Variants in ZNF418 observed in about 807,000 individuals in gnomAD.
The protein encoded by ZNF418 is zinc finger protein 418.
In ZNF418, 32 loss-of-function variants were observed where a neutral mutation model predicts 32.0. The observed-to-expected ratio is 1.00, with a 90% CI of 0.75 to 1.34. The LOEUF is 1.34. Ranked by LOEUF, ZNF418 falls within the 40% of genes most tolerant of loss-of-function variation. ZNF418 has a pLI of 0.00. For missense variants in ZNF418, 804 were observed against 812.5 expected, an observed-to-expected ratio of 0.99 and a Z score of 0.13; for synonymous variants, 276 against 270.7, an observed-to-expected ratio of 1.02 and a Z score of -0.19.
Position 57,926,808 on chromosome 19 carries a change from T to C in ZNF418, c.1373A>G (p.Glu458Gly), listed in dbSNP as rs368522608. The change falls in exon 4 of 6, where the codon GAG becomes GGG. Residue 458 changes from glutamate (E) to glycine (G), a missense_variant. Transcript: ENST00000396147. The part of the protein sequence containing the change: ...HTGERPYECR[E>G]CRKLFRGKSH... ...CTTGCCCCTAAATAATTTCCTACAC[T>C]CTCTACACTCATAAGGCCTTTCTCC... 1 of 1,614,034 alleles carries C rather than the reference T, an allele frequency of 6.2e-7. No homozygotes were observed. Among genetic ancestry groups the C allele is most frequent in the Non-Finnish European group, 8.5e-7 (1 of 1,180,032 alleles).
At chr19:57,933,663 A>G (rs1224856330) in intron 2 of ZNF418, among the ~76,000 whole-genome samples, 154 bp downstream of exon 2, 1 of 152,038 alleles carries the variant, frequency 6.6e-6, no homozygotes, top group African/African-American at 2.4e-5. Context: ...AGAGCTTGCA[A>G]TGAGCCAAGA....
chr19:57,928,934 C>A (rs901786234), intron 3 of ZNF418, among the ~76,000 whole-genome samples: 1 of 152,082 alleles, frequency 6.6e-6, no homozygotes. Context: ...GTGGAGCTTG[C>A]AGTGAGCTGA....
chr19:57,932,497 G>A (rs1346489101), intron 2 of ZNF418: 1 of 1,535,250 alleles, frequency 6.5e-7, no homozygotes, highest in Non-Finnish European at 8.7e-7. Flanking sequence ...TTCTTGCATG[G>A]CTCCACATCC....
At position 57,926,885 on chromosome 19, in the gene ZNF418, C is replaced by G; in HGVS notation, c.1296G>C (p.Gly432=). ...GGTTGCCCTTTCGACTAAAAGATTT[C>G]CCACATTCTCCACACTCGTAAGGTC... The part of the protein sequence containing the change: ...GERPYECGEC[G]KSFSRKGNLI... The change falls in exon 4 of 6, where the codon GGG becomes GGC. Residue 432 remains glycine, a synonymous_variant. Transcript: ENST00000396147. The G allele has an allele frequency of 1.2e-6, 2 of 1,614,066 alleles. No individual in the cohort carries two copies. Among genetic ancestry groups the G allele is most frequent in the Non-Finnish European group, 8.5e-7 (1 of 1,179,986 alleles).
chr19:57,935,377 C>T lies in ZNF418; in HGVS notation c.-297G>A, dbSNP rs1358704924. 3 of 278,296 alleles carry T rather than the reference C, an allele frequency of 1.1e-5. No individual in the cohort carries two copies. Among genetic ancestry groups the T allele is most frequent in the East Asian group, 1.4e-4 (1 of 7,308 alleles). 17.2% of individuals were successfully genotyped at this position (278,296 alleles called of 1,614,324 possible). A position where few individuals can be genotyped will look rare whatever the true frequency, so the allele number is the denominator to read the frequency against. On this transcript the variant is annotated 5_prime_UTR_variant, in exon 1 of 6. Coordinates refer to ENST00000396147, the MANE Select transcript of ZNF418 (RefSeq NM_133460.3). The stretch of plus-strand genomic sequence containing the variant: ...CACACCCAACATTAACCAAAATGGT[C>T]GCTACCAGAGAACGCTGAGAATCCC...
intron 5 of ZNF418, 93 bp from the exon 6 acceptor site, chr19:57,922,722 A>G (rs1280205101): frequency 5.0e-6 from 2 of 396,152 alleles, no homozygotes; most frequent in East Asian, 7.1e-5. Flanking sequence ...AAAGCATGCC[A>G]GGCACAGTGG....
Position 57,927,004 on chromosome 19 carries a change from T to C in ZNF418, c.1177A>G (p.Thr393Ala). 2 of 1,614,214 alleles carry C rather than the reference T, an allele frequency of 1.2e-6. No individual in the cohort carries two copies. Among genetic ancestry groups the C allele is most frequent in the Non-Finnish European group, 1.7e-6 (2 of 1,180,046 alleles). ...GTLTEHHRVHTRERPYECGEC... is the reference protein window; with the variant it reads ...GTLTEHHRVHARERPYECGEC... ...CCACACTCATAAGGTCGTTCTCTAGTGTGAACTCGATGATGTTCAGTTAGG... is the reference window on the plus strand; with the variant it reads ...CCACACTCATAAGGTCGTTCTCTAGCGTGAACTCGATGATGTTCAGTTAGG... The change falls in exon 4 of 6, where the codon ACT becomes GCT. Residue 393 changes from threonine (T) to alanine (A), a missense_variant. Thr to Ala is a moderately conservative substitution (Grantham distance 58). Around this residue, in one of 3 missense-constraint regions of ZNF418, gnomAD observed 475 missense variants for 458.6 expected, o/e 1.04. Coordinates refer to ENST00000396147, the MANE Select transcript of ZNF418 (RefSeq NM_133460.3).
In ZNF418 at chr19:57,926,014, T is replaced by C. The variant is rs2072201253; in HGVS notation, c.*136A>G. ...GAGGCCCTTCTGCAGTGGGAGCTCT[T>C]CTGTATGTAATAAAACAAGACTTCT... On this transcript the variant is annotated 3_prime_UTR_variant, in exon 4 of 6. Coordinates refer to ENST00000396147, the MANE Select transcript of ZNF418 (RefSeq NM_133460.3). 1 of 731,016 alleles carries C rather than the reference T, an allele frequency of 1.4e-6. No individual in the cohort carries two copies. The highest frequency in any genetic ancestry group is 1.8e-5 in the African/African-American group (1 of 56,328). 45.3% of individuals were successfully genotyped at this position (731,016 alleles called of 1,614,324 possible). A position where few individuals can be genotyped will look rare whatever the true frequency, so the allele number is the denominator to read the frequency against.
At chr19:57,934,928 C>A in intron 1 of ZNF418, 4 of 1,104,852 alleles carry the variant, frequency 3.6e-6, no homozygotes, top group South Asian at 3.7e-5. Context: ...CCTGTGGACC[C>A]CAGGTTCCAT....
At chr19:57,935,095 G>A in intron 1 of ZNF418, 66 bp downstream of exon 1, 4 of 1,285,376 alleles carry the variant, frequency 3.1e-6, no homozygotes, top group Non-Finnish European at 4.0e-6. Context: ...AACAGTCGCC[G>A]CTCTCTCGCT....
intron 1 of ZNF418, 168 bp from the exon 2 acceptor site, chr19:57,934,070 TC>T (rs1428727240): frequency 2.8e-6 from 4 of 1,426,570 alleles, no homozygotes; most frequent in Admixed American, 5.6e-5. Context: ...ACATCCTGTG[TC>T]ATGGACTTAG....
At chr19:57,930,910 G>C (rs1292407450) in intron 2 of ZNF418, among the ~76,000 whole-genome samples, 2 of 152,042 alleles carry the variant, frequency 1.3e-5, no homozygotes, top group Admixed American at 6.5e-5. Flanking sequence ...CCGAGTAGCT[G>C]GGATTACAGG....
At chr19:57,930,173 T>C (rs1004628288) in intron 3 of ZNF418, among the ~76,000 whole-genome samples, 2 of 152,024 alleles carry the variant, frequency 1.3e-5, no homozygotes, top group South Asian at 4.1e-4. Flanking sequence ...CAAGGTGAAA[T>C]GCATTAGATT....
At position 57,926,453 on chromosome 19, in the gene ZNF418, G is replaced by A. The variant is rs1180688278; in HGVS notation, c.1728C>T (p.Ser576=). ...YECRECGKFF[S]SLLEHRRVHT... ...GAACTCTCCTGTGTTCAAGGAGACTGGAGAAGAATTTCCCACATTCTCTGC... is the reference window on the plus strand; with the variant it reads ...GAACTCTCCTGTGTTCAAGGAGACTAGAGAAGAATTTCCCACATTCTCTGC... The change falls in exon 4 of 6, where the codon TCC becomes TCT. Residue 576 remains serine, a synonymous_variant. Transcript: ENST00000396147. 9.3e-6 allele frequency: 15 copies of A among 1,613,496 alleles called. No individual in the cohort carries two copies. The highest frequency in any genetic ancestry group is 5.5e-5 in the South Asian group (5 of 91,042).
At chr19:57,932,526 C>T (rs1568553083) in intron 2 of ZNF418, 5 of 1,535,332 alleles carry the variant, frequency 3.3e-6, no homozygotes, top group Non-Finnish European at 4.4e-6. Flanking sequence ...CCAGGTGGGG[C>T]TTTAGATATC....
intron 4 of ZNF418, among the ~76,000 whole-genome samples, chr19:57,924,540 G>A (rs2072137307): frequency 6.6e-6 from 1 of 152,208 alleles, no homozygotes; most frequent in Non-Finnish European, 1.5e-5. Flanking sequence ...CTGAATCAAT[G>A]TGGATGACGT....
At chr19:57,934,134 T>G in intron 1 of ZNF418, 1 of 1,326,792 alleles carries the variant, frequency 7.5e-7, no homozygotes, top group Non-Finnish European at 9.7e-7. Context: ...ACTGAAAAAA[T>G]GGCAAGTAAG....
Position 57,922,331 on chromosome 19 carries a change from C to A in ZNF418, c.*924G>T. 1 of 369,798 alleles carries A rather than the reference C, an allele frequency of 2.7e-6. No individual in the cohort carries two copies. Among genetic ancestry groups the A allele is most frequent in the Non-Finnish European group, 4.8e-6 (1 of 208,548 alleles). The allele number at this position is 369,798 out of a possible 1,614,324, so 22.9% of individuals were successfully genotyped here. A position where few individuals can be genotyped will look rare whatever the true frequency, so the allele number is the denominator to read the frequency against. On this transcript the variant is annotated 3_prime_UTR_variant, in exon 6 of 6. Transcript: ENST00000396147. ...AATCGAGAAGAGAGGGGAGGGTATG[C>A]AAAATAAAAATGTTAGAAAATGGGC...
At position 57,927,475 on chromosome 19, in the gene ZNF418, C is replaced by T; in HGVS notation, c.706G>A (p.Gly236Arg). The change falls in exon 4 of 6, where the codon GGG (glycine) becomes AGG (arginine). Residue 236 changes from glycine (G) to arginine (R), a missense_variant. Gly to Arg is a moderately radical substitution (Grantham distance 125). Around this residue, in one of 3 missense-constraint regions of ZNF418, gnomAD observed 307 missense variants for 304.9 expected, o/e 1.01. Coordinates refer to ENST00000396147, the MANE Select transcript of ZNF418 (RefSeq NM_133460.3). ...CTATCATATTTGCTAAAGGATTTCCCACATTCCCAGCAATAACATTCCTCT... is the reference window on the plus strand; with the variant it reads ...CTATCATATTTGCTAAAGGATTTCCTACATTCCCAGCAATAACATTCCTCT... The part of the protein sequence containing the change: ...SREECYCWEC[G>R]KSFSKYDSVS... The T allele has an allele frequency of 1.2e-6, 2 of 1,614,252 alleles. No individual in the cohort carries two copies. Among genetic ancestry groups the T allele is most frequent in the Non-Finnish European group, 1.7e-6 (2 of 1,180,058 alleles).
Sources: gnomAD v4.1 joint callset for allele counts (sites outside exome capture counted in the v4.1 genomes callset) on GRCh38, gnomAD v4.1.1 for gene constraint, gnomAD v4.1.1 regional missense constraint, MANE v1.5 for transcripts, NCBI Gene and HGNC (gene_info 2026-07-23, HGNC 2026-07-21) for gene names.